Variants in DENND5B observed in about 807,000 individuals in gnomAD.
DENND5B encodes DENN domain containing 5B, also known as DENN domain-containing protein 5B.
Under a neutral mutation model 140.6 loss-of-function variants are expected in DENND5B, and 34 were observed. That is an observed-to-expected ratio of 0.24 (90% CI 0.18 to 0.32). The LOEUF is 0.32. Among genes scored for constraint, DENND5B ranks in the 10% least tolerant of loss-of-function variants. DENND5B has a pLI of 1.00. For missense variants in DENND5B, 1,142 were observed against 1,560.2 expected, an observed-to-expected ratio of 0.73 and a Z score of 4.52; for synonymous variants, 551 against 562.1, an observed-to-expected ratio of 0.98 and a Z score of 0.28.
rs541816511 is a variant in DENND5B, at chr12:31,395,942, CAA to C, written c.3256+2231_3256+2232del. 1.9e-3 allele frequency among the ~76,000 whole-genome samples: 171 copies of C among 91,746 alleles called. 2 individuals carry two copies. In the East Asian group the frequency reaches 0.029, roughly 16 times the overall value. 60.2% of individuals were successfully genotyped at this position (91,746 alleles called of 152,430 possible). ...AGTCAAAATTTAGTTATCACTGGGC[CAA>C]AAAAAAAAAAAAAAAAAAAGCAAGG... On this transcript the variant is annotated intron_variant, in intron 17 of 20. Coordinates refer to ENST00000389082, the MANE Select transcript of DENND5B (RefSeq NM_144973.4).
At chr12:31,566,785 T>C (rs943870790) in intron 1 of DENND5B, among the ~76,000 whole-genome samples, 2 of 152,210 alleles carry the variant, frequency 1.3e-5, no homozygotes, top group African/African-American at 4.8e-5. Flanking sequence ...TATACAAGCA[T>C]TATCAACCAA....
At chr12:31,560,220 C>G (rs963486114) in intron 1 of DENND5B, among the ~76,000 whole-genome samples, 2 of 152,172 alleles carry the variant, frequency 1.3e-5, no homozygotes, top group African/African-American at 4.8e-5. Flanking sequence ...AAAATGGATT[C>G]CTGAGCTGTG....
intron 1 of DENND5B, among the ~76,000 whole-genome samples, chr12:31,569,924 G>A (rs1410216341): frequency 2.0e-5 from 3 of 151,916 alleles, no homozygotes; most frequent in Admixed American, 6.6e-5. Context: ...GGCCTGGTGC[G>A]GTGGCTCATG....
chr12:31,492,347 A>C (rs190644955), intron 2 of DENND5B, among the ~76,000 whole-genome samples: 50 of 152,346 alleles, frequency 3.3e-4, no homozygotes, highest in Non-Finnish European at 6.0e-4. Context: ...TCAAATGATT[A>C]AAAGAAAGAA....
At chr12:31,457,061 G>A (rs568007629) in intron 4 of DENND5B, among the ~76,000 whole-genome samples, 6 of 152,356 alleles carry the variant, frequency 3.9e-5, no homozygotes, top group African/African-American at 1.4e-4. Flanking sequence ...CTGGGTGACA[G>A]AGTGAGACCC....
At position 31,387,353 on chromosome 12, in the gene DENND5B, A is replaced by G. The variant is rs899994207; in HGVS notation, c.*250T>C. On this transcript the variant is annotated 3_prime_UTR_variant, in exon 21 of 21. Transcript: ENST00000389082. ...CTAAGAAAAGCATCTTATTAGAGTA[A>G]TATAATTTCTTAAAGAAGATAGCAT... The G allele has an allele frequency of 5.6e-6, 2 of 358,876 alleles. No individual in the cohort carries two copies. Among genetic ancestry groups the G allele is most frequent in the Non-Finnish European group, 1.0e-5 (2 of 199,252 alleles). The allele number at this position is 358,876 out of a possible 1,614,324, so 22.2% of individuals were successfully genotyped here.
chr12:31,520,246 C>A (rs1471974589), intron 1 of DENND5B, among the ~76,000 whole-genome samples: 1 of 152,210 alleles, frequency 6.6e-6, no homozygotes, highest in African/African-American at 2.4e-5. Context: ...CAGTTTCCTG[C>A]AGATATTCTG....
At chr12:31,533,781 C>A (rs1948383677) in intron 1 of DENND5B, among the ~76,000 whole-genome samples, 1 of 152,108 alleles carries the variant, frequency 6.6e-6, no homozygotes, top group Admixed American at 6.6e-5. Context: ...ATTGTGTGAA[C>A]TGTGGTAGGG....
At chr12:31,544,431 G>A (rs528536848) in intron 1 of DENND5B, among the ~76,000 whole-genome samples, 20 of 152,192 alleles carry the variant, frequency 1.3e-4, no homozygotes, top group African/African-American at 4.8e-4. Context: ...GCTGGCATGT[G>A]CCTCCACATC....
intron 8 of DENND5B, among the ~76,000 whole-genome samples, chr12:31,429,254 G>A (rs1020717645): frequency 7.2e-5 from 11 of 151,790 alleles, no homozygotes; most frequent in South Asian, 2.1e-4. Flanking sequence ...TGATCTGCCC[G>A]CCTTGGCCTC....
At chr12:31,405,391 T>G (rs890387839) in intron 14 of DENND5B, among the ~76,000 whole-genome samples, 1 of 151,678 alleles carries the variant, frequency 6.6e-6, no homozygotes, top group Admixed American at 6.6e-5. Context: ...TATTTTTTTG[T>G]AGTTTTAGTA....
chr12:31,554,233 T>G (rs1293282454), intron 1 of DENND5B, among the ~76,000 whole-genome samples: 1 of 152,176 alleles, frequency 6.6e-6, no homozygotes, highest in Non-Finnish European at 1.5e-5. Flanking sequence ...AGTGCTTCCT[T>G]CAGGAGCTCT....
intron 1 of DENND5B, among the ~76,000 whole-genome samples, chr12:31,523,472 C>T (rs570095971): frequency 6.6e-6 from 1 of 152,078 alleles, no homozygotes; most frequent in Non-Finnish European, 1.5e-5. Context: ...AATGCAGTGG[C>T]CTAAGTGTAA....
intron 1 of DENND5B, among the ~76,000 whole-genome samples, chr12:31,526,620 GAC>G (rs994519046): frequency 2.6e-5 from 4 of 152,202 alleles, no homozygotes; most frequent in African/African-American, 9.7e-5. Context: ...AGACTAAAGA[GAC>G]ATAACTAAAT....
chr12:31,590,183 C>A (rs1950563411), intron 1 of DENND5B: 1 of 152,306 alleles, frequency 6.6e-6, no homozygotes, highest in South Asian at 2.1e-4. Flanking sequence ...CGGTCCCCGC[C>A]CCGCGCTCGC....
intron 3 of DENND5B, among the ~76,000 whole-genome samples, chr12:31,475,749 AAAAC>A (rs972087248): frequency 7.2e-5 from 11 of 152,092 alleles, no homozygotes; most frequent in Middle Eastern, 3.4e-3. Context: ...ACCCTGTCTC[AAAAC>A]AAACAAACAA....
At chr12:31,471,344 T>C (rs1413086395) in intron 3 of DENND5B, among the ~76,000 whole-genome samples, 1 of 152,148 alleles carries the variant, frequency 6.6e-6, no homozygotes, top group East Asian at 1.9e-4. Flanking sequence ...AGAAGGAGTC[T>C]CGCTCTGTCA....
chr12:31,420,157 T>A, intron 11 of DENND5B: 1 of 762,022 alleles, frequency 1.3e-6, no homozygotes, highest in Non-Finnish European at 1.6e-6. Context: ...GACAGGGTCT[T>A]GCTCTGTCAC....
chr12:31,413,656 G>A (rs1942583462), intron 12 of DENND5B, 92 bp from the exon 13 acceptor site: 2 of 1,370,662 alleles, frequency 1.5e-6, no homozygotes. Flanking sequence ...GGCACAGAAA[G>A]GTTTATACTT....
Sources: allele counts gnomAD v4.1 joint callset (sites outside exome capture counted in the v4.1 genomes callset), GRCh38; gene constraint gnomAD v4.1.1; transcripts MANE v1.5; gene names NCBI Gene and HGNC (gene_info 2026-07-23, HGNC 2026-07-21).